Variants in CADPS2 observed in about 807,000 individuals in gnomAD.
The protein encoded by CADPS2 is calcium-dependent secretion activator 2.
CADPS2 carries 93 observed loss-of-function variants against 172.5 expected under a neutral mutation model. The observed-to-expected ratio is 0.54, with a 90% confidence interval of 0.46 to 0.64. The LOEUF (loss-of-function observed/expected upper bound fraction) is 0.64, where lower values mean the gene tolerates loss of function less well. Ranked by LOEUF, CADPS2 falls within the 30% of genes least tolerant of loss-of-function variation. The pLI, the probability that CADPS2 is intolerant of heterozygous loss-of-function variation, is 0.00. For synonymous variants in CADPS2, 546 were observed against 555.2 expected, an observed-to-expected ratio of 0.98 and a Z score of 0.23; for missense variants, 1,420 against 1,565.9, an observed-to-expected ratio of 0.91 and a Z score of 1.57.
At chr7:122,800,818 C>T (rs1797453500) in intron 1 of CADPS2, among the ~76,000 whole-genome samples, 2 of 151,928 alleles carry the variant, frequency 1.3e-5, no homozygotes, top group Admixed American at 1.3e-4. Context: ...TGGTAAAACC[C>T]TGTCTCTACT....
chr7:122,643,605 T>C (rs2077941100), intron 3 of CADPS2, among the ~76,000 whole-genome samples: 1 of 152,160 alleles, frequency 6.6e-6, no homozygotes, highest in Non-Finnish European at 1.5e-5. Flanking sequence ...TTATCACCCA[T>C]TCCTCAATAT....
At chr7:122,438,286 T>C in intron 17 of CADPS2, 55 bp downstream of exon 17, 2 of 1,605,268 alleles carry the variant, frequency 1.2e-6, no homozygotes, top group South Asian at 1.1e-5. Flanking sequence ...GAAAATTCAG[T>C]TACTAGGCAT....
chr7:122,628,288 A>G (rs1475845153), intron 4 of CADPS2, among the ~76,000 whole-genome samples: 1 of 152,190 alleles, frequency 6.6e-6, no homozygotes, highest in Non-Finnish European at 1.5e-5. Flanking sequence ...AAGTAAAAAA[A>G]TAATTGTTAA....
chr7:122,572,466 G>A (rs1359246457), intron 7 of CADPS2, among the ~76,000 whole-genome samples: 1 of 152,076 alleles, frequency 6.6e-6, no homozygotes, highest in East Asian at 1.9e-4. Flanking sequence ...ATGGACAATA[G>A]GTTCCTTCTG....
intron 1 of CADPS2, among the ~76,000 whole-genome samples, chr7:122,871,957 C>T (rs1004710579): frequency 2.6e-5 from 4 of 152,006 alleles, no homozygotes; most frequent in African/African-American, 9.7e-5. Flanking sequence ...CTTGGGCTTC[C>T]TTATCCAAAC....
chr7:122,329,953 A>G (rs776221084), intron 28 of CADPS2, among the ~76,000 whole-genome samples: 17 of 152,194 alleles, frequency 1.1e-4, no homozygotes, highest in Non-Finnish European at 1.8e-4. Context: ...AATCTGTGAT[A>G]TATTTTCTAC....
At chr7:122,632,623 T>C (rs1468141166) in intron 3 of CADPS2, among the ~76,000 whole-genome samples, 1 of 152,162 alleles carries the variant, frequency 6.6e-6, no homozygotes, top group Non-Finnish European at 1.5e-5. Flanking sequence ...AGTTTGCAAA[T>C]ATTTTCTCCC....
intron 7 of CADPS2, among the ~76,000 whole-genome samples, chr7:122,560,184 T>C (rs1027131242): frequency 1.3e-5 from 2 of 152,110 alleles, no homozygotes; most frequent in African/African-American, 4.8e-5. Context: ...CAAAATCATT[T>C]TGGCTAGAAG....
At chr7:122,856,072 T>C (rs1156436416) in intron 1 of CADPS2, among the ~76,000 whole-genome samples, 2 of 152,192 alleles carry the variant, frequency 1.3e-5, no homozygotes, top group African/African-American at 2.4e-5. Context: ...TAGATACCTT[T>C]GCAGGCAGTT....
intron 1 of CADPS2, among the ~76,000 whole-genome samples, chr7:122,789,906 T>C (rs1794882491): frequency 6.6e-6 from 1 of 150,880 alleles, no homozygotes; most frequent in Non-Finnish European, 1.5e-5. Flanking sequence ...TCATAGAAAA[T>C]GAAATAAAAA....
intron 1 of CADPS2, among the ~76,000 whole-genome samples, chr7:122,766,232 C>T (rs975633107): frequency 1.3e-5 from 2 of 151,944 alleles, no homozygotes; most frequent in Non-Finnish European, 2.9e-5. Context: ...CCCCATGGAC[C>T]AAATATCTCC....
chr7:122,885,339 C>T (rs1429938325), intron 1 of CADPS2, among the ~76,000 whole-genome samples: 1 of 151,696 alleles, frequency 6.6e-6, no homozygotes, highest in Non-Finnish European at 1.5e-5. Context: ...CTTTATCTTT[C>T]ATCAGTAATA....
At chr7:122,432,743 C>A (rs1360801658) in intron 17 of CADPS2, among the ~76,000 whole-genome samples, 1 of 151,052 alleles carries the variant, frequency 6.6e-6, no homozygotes, top group Non-Finnish European at 1.5e-5. Flanking sequence ...TACAGCTTTA[C>A]TCTTTTCTAG....
At chr7:122,856,101 G>C (rs1001183889) in intron 1 of CADPS2, among the ~76,000 whole-genome samples, 1 of 152,162 alleles carries the variant, frequency 6.6e-6, no homozygotes, top group African/African-American at 2.4e-5. Flanking sequence ...GGAAGCAAAA[G>C]CCTCATGCTA....
At chr7:122,716,798 C>T (rs1588691357) in intron 2 of CADPS2, among the ~76,000 whole-genome samples, 2 of 152,078 alleles carry the variant, frequency 1.3e-5, no homozygotes, top group African/African-American at 4.8e-5. Context: ...GGGGCACTGA[C>T]TCTGCTAATA....
At chr7:122,526,784 A>G (rs1422595875) in intron 8 of CADPS2, among the ~76,000 whole-genome samples, 1 of 152,180 alleles carries the variant, frequency 6.6e-6, no homozygotes, top group African/African-American at 2.4e-5. Context: ...GGTGACATGT[A>G]GACATTTCTT....
rs202173368 is a variant in CADPS2, at chr7:122,360,856, A to AT, written c.3472-37dup. The stretch of plus-strand genomic sequence containing the variant: ...AAAGAAAGAGATAATCATGAGAATT[A>AT]TTTTTTTAACTGCCATATAAGTACT... On this transcript the variant is annotated intron_variant, in intron 26 of 29. Transcript: ENST00000449022. The AT allele has an allele frequency of 5.4e-4, 862 of 1,586,204 alleles. 16 individuals carry two copies. The East Asian group carries it at 0.017, about 32-fold the overall frequency.
At chr7:122,412,608 T>C (rs1306405140) in intron 19 of CADPS2, among the ~76,000 whole-genome samples, 1 of 152,194 alleles carries the variant, frequency 6.6e-6, no homozygotes, top group African/African-American at 2.4e-5. Context: ...AATACCAAAT[T>C]ACTGCCAAAC....
At chr7:122,463,025 C>A (rs762794273) in intron 14 of CADPS2, among the ~76,000 whole-genome samples, 17 of 152,160 alleles carry the variant, frequency 1.1e-4, no homozygotes, top group Non-Finnish European at 2.1e-4. Flanking sequence ...CAAAAACCAC[C>A]ATGACAGTGG....
Sources: gnomAD v4.1 joint callset for allele counts (sites outside exome capture counted in the v4.1 genomes callset) on GRCh38, gnomAD v4.1.1 for gene constraint, MANE v1.5 for transcripts, NCBI Gene and HGNC (gene_info 2026-07-23, HGNC 2026-07-21) for gene names.